KANSL1: variants seen among roughly 807,000 people sequenced by gnomAD.
KANSL1 encodes the protein MLL1/MLL complex subunit KANSL1.
A neutral mutation model predicts 103.6 loss-of-function variants in KANSL1; 22 were observed. The observed-to-expected ratio is 0.21, with a 90% CI of 0.15 to 0.30. The LOEUF is 0.30. Among genes scored for constraint, KANSL1 ranks in the 10% least tolerant of loss-of-function variants. The pLI is 1.00. For missense variants in KANSL1, 1,337 were observed against 1,399.8 expected (o/e 0.96, Z 0.72); for synonymous variants, 600 against 527.6 (o/e 1.14, Z -1.88).
intron 1 of KANSL1, among the ~76,000 whole-genome samples, chr17:46,185,692 T>TATACACACACACAC (rs754864409): frequency 1.1e-4 from 16 of 144,408 alleles, no homozygotes; most frequent in African/African-American, 4.3e-4. Context: ...CACACATATA[T>TATACACACACACAC]ACACACACAC....
At chr17:46,053,983 T>A (rs979479473) in intron 6 of KANSL1, among the ~76,000 whole-genome samples, 1 of 152,140 alleles carries the variant, frequency 6.6e-6, no homozygotes. Flanking sequence ...TTTAAAAATA[T>A]CACAACAGAT....
chr17:46,114,654 A>G (rs1011475654), intron 2 of KANSL1, among the ~76,000 whole-genome samples: 7 of 152,252 alleles, frequency 4.6e-5, no homozygotes, highest in African/African-American at 1.7e-4. Flanking sequence ...TTAAAGACAT[A>G]TACACTCTTG....
chr17:46,125,378 A>T (rs1457795604), intron 2 of KANSL1, among the ~76,000 whole-genome samples: 1 of 152,226 alleles, frequency 6.6e-6, no homozygotes, highest in Non-Finnish European at 1.5e-5. Context: ...ATGCAATAGG[A>T]AACAGAAAAA....
At chr17:46,110,092 A>G (rs1172877474) in intron 2 of KANSL1, among the ~76,000 whole-genome samples, 1 of 152,220 alleles carries the variant, frequency 6.6e-6, no homozygotes, top group Non-Finnish European at 1.5e-5. Context: ...GTAACTGTTC[A>G]TCTTAAGTCG....
At chr17:46,213,287 T>TG (rs1430568650) in intron 1 of KANSL1, among the ~76,000 whole-genome samples, 8 of 150,776 alleles carry the variant, frequency 5.3e-5, no homozygotes, top group African/African-American at 1.7e-4. Context: ...TTTATTTGTT[T>TG]TTTGTTGTTG....
At chr17:46,055,593 A>C (rs2077896606) in intron 6 of KANSL1, among the ~76,000 whole-genome samples, 1 of 152,216 alleles carries the variant, frequency 6.6e-6, no homozygotes. Flanking sequence ...TTAATGCAGA[A>C]TCTTAATAGA....
At chr17:46,210,987 C>T (rs953414133) in intron 1 of KANSL1, among the ~76,000 whole-genome samples, 5 of 152,074 alleles carry the variant, frequency 3.3e-5, no homozygotes, top group Admixed American at 6.5e-5. Context: ...TTCTAACCAT[C>T]AGACCTAACT....
upstream of KANSL1, among the ~76,000 whole-genome samples, chr17:46,198,144 G>A (rs917679972): frequency 6.7e-6 from 1 of 149,314 alleles, no homozygotes; most frequent in East Asian, 1.9e-4. Flanking sequence ...AAGGTAGAGT[G>A]TAGTACTTAA....
upstream of KANSL1, among the ~76,000 whole-genome samples, chr17:46,198,272 CTTAAGT>C (rs1323717049): frequency 6.6e-6 from 1 of 151,474 alleles, no homozygotes; most frequent in African/African-American, 2.4e-5. Context: ...CCACCTACCT[CTTAAGT>C]TTAACTATTA....
upstream of KANSL1, among the ~76,000 whole-genome samples, chr17:46,197,259 C>G (rs1401219962): frequency 6.6e-6 from 1 of 152,268 alleles, no homozygotes; most frequent in African/African-American, 2.4e-5. Context: ...TACCACCATT[C>G]CTTGTTAATT....
intron 6 of KANSL1, among the ~76,000 whole-genome samples, chr17:46,063,712 T>A (rs995748304): frequency 2.6e-5 from 4 of 152,182 alleles, no homozygotes; most frequent in Admixed American, 1.3e-4. Flanking sequence ...TATATGTACA[T>A]TCAAAACTAC....
At chr17:46,203,265 C>T (rs1269232049) in intron 1 of KANSL1, among the ~76,000 whole-genome samples, 2 of 152,158 alleles carry the variant, frequency 1.3e-5, no homozygotes, top group Non-Finnish European at 2.9e-5. Flanking sequence ...AATCCTTCAG[C>T]ACAGAGGGTA....
intron 2 of KANSL1, among the ~76,000 whole-genome samples, chr17:46,135,542 A>ATTTTTTTTT (rs34258265): frequency 0.024 from 2,861 of 118,576 alleles, 2 homozygotes; most frequent in Non-Finnish European, 0.038. Flanking sequence ...TCAACTATAC[A>ATTTTTTTTT]TTTTTTTTTT....
chr17:46,046,959 C>A (rs1312508128), intron 7 of KANSL1, among the ~76,000 whole-genome samples: 1 of 151,754 alleles, frequency 6.6e-6, no homozygotes, highest in Non-Finnish European at 1.5e-5. Flanking sequence ...TACATAAATC[C>A]AATGGCAAGG....
At chr17:46,152,583 G>A (rs62063242) in intron 2 of KANSL1, among the ~76,000 whole-genome samples, 1 of 85,826 alleles carries the variant, frequency 1.2e-5, no homozygotes, top group South Asian at 3.7e-4. Flanking sequence ...TAGACACAAA[G>A]GGGGGGGGGG....
At chr17:46,079,459 T>C (rs2146793894) in intron 4 of KANSL1, among the ~76,000 whole-genome samples, 1 of 152,352 alleles carries the variant, frequency 6.6e-6, no homozygotes, top group African/African-American at 2.4e-5. Context: ...GAAGTCTTAC[T>C]GGATGTTTAT....
chr17:46,170,834 T>A (rs1196466961), intron 2 of KANSL1, 21 bp downstream of exon 2: 2 of 1,556,442 alleles, frequency 1.3e-6, no homozygotes, highest in Non-Finnish European at 1.7e-6. Context: ...AAGAATGCTA[T>A]CATGCATGAG....
chr17:46,171,982 A>G lies in KANSL1; in HGVS notation c.162T>C (p.Ile54=). ...IAANGTKRKA[I]AAEDPSLDFR... The stretch of plus-strand genomic sequence containing the variant: ...AATCTAGGCTGGGATCCTCTGCAGC[A>G]ATGGCTTTTCTTTTGGTTCCGTTGG... The change falls in exon 2 of 15, where the codon ATT becomes ATC. Residue 54 remains isoleucine, a synonymous_variant. Coordinates refer to ENST00000432791, the MANE Select transcript of KANSL1 (RefSeq NM_015443.4). 3 of 1,614,282 alleles carry G rather than the reference A, an allele frequency of 1.9e-6. No individual in the cohort carries two copies. The highest frequency in any genetic ancestry group is 2.5e-6 in the Non-Finnish European group (3 of 1,180,052).
intron 6 of KANSL1, among the ~76,000 whole-genome samples, chr17:46,061,890 G>A (rs960707445): frequency 7.2e-5 from 11 of 151,966 alleles, no homozygotes; most frequent in Non-Finnish European, 1.5e-4. Context: ...TCAGGAGTTC[G>A]AGACCAGCCT....
Sources: allele counts gnomAD v4.1 joint callset (sites outside exome capture counted in the v4.1 genomes callset), GRCh38; gene constraint gnomAD v4.1.1; transcripts MANE v1.5; gene names NCBI Gene and HGNC (gene_info 2026-07-23, HGNC 2026-07-21).